Variants in EML1 observed in about 807,000 individuals in gnomAD.
EML1 encodes the protein EMAP like 1.
A neutral mutation model predicts 110.4 loss-of-function variants in EML1; 27 were observed. The observed-to-expected ratio is 0.24, with a 90% CI of 0.18 to 0.34. The LOEUF (loss-of-function observed/expected upper bound fraction) is 0.34, where lower values mean the gene tolerates loss of function less well. EML1 is among the 10% of genes least tolerant of loss of function. EML1 has a pLI of 1.00. For missense variants in EML1, 741 were observed against 1,030.9 expected (o/e 0.72, Z 3.85); for synonymous variants, 344 against 385.8 (o/e 0.89, Z 1.27).
chr14:99,854,482 G>A (rs2058867240), intron 2 of EML1, among the ~76,000 whole-genome samples: 1 of 152,152 alleles, frequency 6.6e-6, no homozygotes, highest in Non-Finnish European at 1.5e-5. Flanking sequence ...CTGTAGAGAG[G>A]GAGCTGTCAC....
At chr14:99,908,979 A>G (rs1212056778) in intron 10 of EML1, among the ~76,000 whole-genome samples, 1 of 152,192 alleles carries the variant, frequency 6.6e-6, no homozygotes, top group African/African-American at 2.4e-5. Context: ...TGACTAGCAG[A>G]TGAGAGCAAA....
At chr14:99,885,699 G>A (rs1423070586) in intron 4 of EML1, among the ~76,000 whole-genome samples, 3 of 152,138 alleles carry the variant, frequency 2.0e-5, no homozygotes. Context: ...TCTTCATATT[G>A]TTTTAGTTTT....
At chr14:99,766,977 C>T (rs1289571790) in intron 1 of EML1, among the ~76,000 whole-genome samples, 1 of 152,202 alleles carries the variant, frequency 6.6e-6, no homozygotes, top group African/African-American at 2.4e-5. Context: ...CTGGGAGTCA[C>T]CGTTTTCCAA....
intron 1 of EML1, among the ~76,000 whole-genome samples, chr14:99,816,351 T>C (rs56100401): frequency 0.42 from 63,709 of 152,020 alleles, 13,582 homozygotes; most frequent in South Asian, 0.57. Flanking sequence ...TTAGTAGAGA[T>C]GGGGTTTCAC....
chr14:99,872,452 T>G (rs1017919525), intron 3 of EML1, among the ~76,000 whole-genome samples: 2 of 152,216 alleles, frequency 1.3e-5, no homozygotes, highest in African/African-American at 4.8e-5. Flanking sequence ...CTCTGTAGAC[T>G]TTTCCTTATA....
At chr14:99,789,460 C>T (rs1456030489), upstream of EML1, among the ~76,000 whole-genome samples, 3 of 152,192 alleles carry the variant, frequency 2.0e-5, no homozygotes, top group African/African-American at 4.8e-5. Flanking sequence ...CCACCCACCT[C>T]GGCTTCCCAA....
chr14:99,871,151 G>T (rs953499943), intron 3 of EML1, among the ~76,000 whole-genome samples: 3 of 152,092 alleles, frequency 2.0e-5, no homozygotes, highest in African/African-American at 7.2e-5. Context: ...TAGAGACAGG[G>T]TTTTGCCATG....
intron 1 of EML1, among the ~76,000 whole-genome samples, chr14:99,801,109 C>T (rs1021649069): frequency 2.0e-5 from 3 of 152,238 alleles, no homozygotes; most frequent in African/African-American, 4.8e-5. Flanking sequence ...GGAGACCCAC[C>T]GTCCTGGACT....
At chr14:99,766,159 T>C (rs1427491447) in intron 1 of EML1, among the ~76,000 whole-genome samples, 2 of 146,748 alleles carry the variant, frequency 1.4e-5, no homozygotes, top group Middle Eastern at 6.3e-3. Context: ...GACTCAGAAG[T>C]GCAATTGTTG....
At chr14:99,864,280 A>G (rs2059054659) in intron 2 of EML1, among the ~76,000 whole-genome samples, 1 of 152,124 alleles carries the variant, frequency 6.6e-6, no homozygotes, top group African/African-American at 2.4e-5. Flanking sequence ...ATTTTCTCCC[A>G]ATCTATGCCT....
intron 1 of EML1, among the ~76,000 whole-genome samples, chr14:99,744,025 G>A (rs956440935): frequency 1.3e-5 from 2 of 152,040 alleles, no homozygotes; most frequent in African/African-American, 4.8e-5. Flanking sequence ...GAAACCAGTT[G>A]CTGAGGTGGG....
In EML1 at chr14:99,851,059, A is replaced by G. The variant is rs765623941; in HGVS notation, c.250+24A>G. 9 of 1,595,676 alleles carry G rather than the reference A, an allele frequency of 5.6e-6. No homozygotes were observed. In the South Asian group the frequency reaches 6.7e-5, roughly 12 times the overall value. ...AGGTGGGCGTTTGAGTGACACAGGA[A>G]CTTCAGTAGAATTGGTCTCGTGGCA... On this transcript the variant is annotated intron_variant, in intron 2 of 21. Transcript: ENST00000262233.
At chr14:99,770,261 GT>G (rs1445800763), upstream of EML1, among the ~76,000 whole-genome samples, 3 of 152,164 alleles carry the variant, frequency 2.0e-5, no homozygotes, top group Non-Finnish European at 4.4e-5. Flanking sequence ...GGCAGATCTG[GT>G]GTCTGGGGAG....
chr14:99,815,435 C>G (rs117420099), intron 1 of EML1, among the ~76,000 whole-genome samples: 1 of 151,938 alleles, frequency 6.6e-6, no homozygotes, highest in East Asian at 1.9e-4. Flanking sequence ...GCCACTGCGC[C>G]CTGCTGAGGC....
At chr14:99,859,837 G>A (rs542497292) in intron 2 of EML1, among the ~76,000 whole-genome samples, 18 of 152,212 alleles carry the variant, frequency 1.2e-4, no homozygotes, top group Non-Finnish European at 1.6e-4. Context: ...TTATATTCAC[G>A]ATACAAAATT....
At position 99,878,400 on chromosome 14, in the gene EML1, C is replaced by G. The variant is rs534427339; in HGVS notation, c.384-85C>G. Reference sequence around the variant, plus strand: ...TTTGAATATCCATGTGGAAGTATGACGTTCTATGTATATATTTGTATGCTT... The same window carrying G: ...TTTGAATATCCATGTGGAAGTATGAGGTTCTATGTATATATTTGTATGCTT... On this transcript the variant is annotated intron_variant, in intron 3 of 21. Coordinates refer to ENST00000262233, the MANE Select transcript of EML1 (RefSeq NM_004434.3). 2.6e-4 allele frequency: 392 copies of G among 1,495,602 alleles called. 2 individuals carry two copies. In the South Asian group the frequency reaches 5.0e-3, roughly 19 times the overall value. 92.6% of individuals were successfully genotyped at this position (1,495,602 alleles called of 1,614,324 possible).
intron 2 of EML1, among the ~76,000 whole-genome samples, chr14:99,856,919 C>T (rs1339493028): frequency 2.6e-5 from 4 of 152,180 alleles, no homozygotes; most frequent in African/African-American, 9.7e-5. Context: ...ATCTAAGACG[C>T]TATATCATTT....
chr14:99,821,609 TC>T (rs1447090776), intron 1 of EML1, among the ~76,000 whole-genome samples: 4 of 152,216 alleles, frequency 2.6e-5, no homozygotes, highest in Admixed American at 6.5e-5. Context: ...ATAATTTGAC[TC>T]CACATCTTTT....
chr14:99,886,604 A>G (rs919689353), intron 4 of EML1, among the ~76,000 whole-genome samples: 1 of 152,226 alleles, frequency 6.6e-6, no homozygotes, highest in Non-Finnish European at 1.5e-5. Context: ...ATCACTTTCA[A>G]AAGCAAGTAT....
Sources: allele counts gnomAD v4.1 joint callset (sites outside exome capture counted in the v4.1 genomes callset), GRCh38; gene constraint gnomAD v4.1.1; transcripts MANE v1.5; gene names NCBI Gene and HGNC (gene_info 2026-07-23, HGNC 2026-07-21).